CAST: variants seen among roughly 807,000 people sequenced by gnomAD.
CAST encodes the protein calpastatin.
In CAST, 76 loss-of-function variants were observed where a neutral mutation model predicts 119.6. The ratio of observed to expected loss-of-function variants is 0.64; its 90% CI spans 0.53 to 0.77. The LOEUF (loss-of-function observed/expected upper bound fraction) is 0.77. Ranked by LOEUF, CAST falls within the 30% of genes least tolerant of loss-of-function variation. The pLI is 0.00. For missense variants in CAST, 953 were observed against 946.5 expected (o/e 1.01, Z -0.09); for synonymous variants, 319 against 331.6 (o/e 0.96, Z 0.41).
At chr5:96,197,758 T>G in the CAST span, among the ~76,000 whole-genome samples, 6 of 152,058 alleles carry the variant, frequency 3.9e-5, no homozygotes, top group Non-Finnish European at 8.8e-5. Context: ...GGGGCCAACC[T>G]AGACATTTTT....
chr5:96,007,433 T>C, the CAST span, among the ~76,000 whole-genome samples: 1 of 152,240 alleles, frequency 6.6e-6, no homozygotes, highest in Non-Finnish European at 1.5e-5. Context: ...AATTTAGTTA[T>C]AACTCTTTTG....
the CAST span, chr5:96,079,134 T>C: frequency 4.2e-6 from 2 of 475,802 alleles, no homozygotes; most frequent in Non-Finnish European, 4.4e-6. Flanking sequence ...TCTTTACATC[T>C]TACAACTCAC....
chr5:96,205,292 C>T, the CAST span, among the ~76,000 whole-genome samples: 22 of 151,974 alleles, frequency 1.4e-4, no homozygotes, highest in Admixed American at 1.3e-4. Context: ...TGAATTGTGC[C>T]TCTGGTGTCA....
chr5:96,030,544 A>G, the CAST span, among the ~76,000 whole-genome samples: 393 of 152,266 alleles, frequency 2.6e-3, 1 homozygote, highest in Non-Finnish European at 4.0e-3. Context: ...GTTAGGCTGT[A>G]AGTATGGACA....
At chr5:96,384,820 A>G in the CAST span, among the ~76,000 whole-genome samples, 2 of 152,270 alleles carry the variant, frequency 1.3e-5, no homozygotes, top group South Asian at 4.2e-4. Flanking sequence ...ATGCTGAAAA[A>G]TGCACCCCTA....
At chr5:96,612,493 G>A (rs1747382496) in intron 1 of CAST, among the ~76,000 whole-genome samples, 1 of 152,038 alleles carries the variant, frequency 6.6e-6, no homozygotes, top group South Asian at 2.1e-4. Context: ...TCACTCTCTG[G>A]GTGTTGGGTT....
At chr5:96,417,479 G>A in the CAST span, among the ~76,000 whole-genome samples, 1 of 151,938 alleles carries the variant, frequency 6.6e-6, no homozygotes, top group Non-Finnish European at 1.5e-5. Flanking sequence ...AAGGACTGAT[G>A]TAGATTATAG....
chr5:96,091,158 T>G, the CAST span, among the ~76,000 whole-genome samples: 1 of 152,000 alleles, frequency 6.6e-6, no homozygotes, highest in Non-Finnish European at 1.5e-5. Flanking sequence ...AAAGCCAGCC[T>G]TGCTCATTTT....
the CAST span, among the ~76,000 whole-genome samples, chr5:96,501,041 C>A: frequency 1.3e-5 from 2 of 152,002 alleles, no homozygotes; most frequent in African/African-American, 4.8e-5. Context: ...GCACCAAGTG[C>A]AAATAAAAAT....
chr5:96,473,447 G>A, the CAST span, among the ~76,000 whole-genome samples: 1 of 152,250 alleles, frequency 6.6e-6, no homozygotes, highest in Non-Finnish European at 1.5e-5. Context: ...GAAGCAGGCA[G>A]TTTATGTCTG....
chr5:96,099,257 T>C, the CAST span, among the ~76,000 whole-genome samples: 5 of 152,210 alleles, frequency 3.3e-5, no homozygotes, highest in Non-Finnish European at 5.9e-5. Flanking sequence ...TACAGGATTA[T>C]GTTGTCTGCA....
At chr5:96,165,876 G>C in the CAST span, among the ~76,000 whole-genome samples, 1 of 152,286 alleles carries the variant, frequency 6.6e-6, no homozygotes, top group African/African-American at 2.4e-5. Flanking sequence ...TATTTACTAA[G>C]GTTTCTTCTT....
the CAST span, among the ~76,000 whole-genome samples, chr5:96,124,587 T>G: frequency 6.6e-6 from 1 of 152,190 alleles, no homozygotes; most frequent in African/African-American, 2.4e-5. Flanking sequence ...ATCAACCCTT[T>G]ATGGACAGGG....
chr5:96,231,687 A>G, the CAST span, among the ~76,000 whole-genome samples: 4 of 151,816 alleles, frequency 2.6e-5, no homozygotes, highest in Non-Finnish European at 5.9e-5. Flanking sequence ...TAATTATGAT[A>G]TAATATAAAA....
At chr5:96,537,118 T>C (rs997421757) in intron 1 of CAST, among the ~76,000 whole-genome samples, 1 of 152,246 alleles carries the variant, frequency 6.6e-6, no homozygotes, top group African/African-American at 2.4e-5. Flanking sequence ...GGCTGGAATA[T>C]TTGAACTTCC....
At position 96,757,514 on chromosome 5, in the gene CAST, C is replaced by G; in HGVS notation, c.1761+20C>G. Reference sequence around the variant, plus strand: ...CTTCCAGTAAGCAAACCAGTTTTCTCTGAGGATATCTTTTCCTTTTGGCCC... The same window carrying G: ...CTTCCAGTAAGCAAACCAGTTTTCTGTGAGGATATCTTTTCCTTTTGGCCC... On this transcript the variant is annotated intron_variant, in intron 23 of 31. Transcript: ENST00000675179. 1 of 1,613,524 alleles carries G rather than the reference C, an allele frequency of 6.2e-7. No individual in the cohort carries two copies. Among genetic ancestry groups the G allele is most frequent in the Non-Finnish European group, 8.5e-7 (1 of 1,179,458 alleles).
chr5:96,400,234 C>T, the CAST span: 2 of 1,375,974 alleles, frequency 1.5e-6, no homozygotes, highest in Admixed American at 1.7e-5. Flanking sequence ...AATGAAGTTT[C>T]CTTGCAAAAG....
At chr5:96,075,413 C>A in the CAST span, among the ~76,000 whole-genome samples, 2 of 152,156 alleles carry the variant, frequency 1.3e-5, no homozygotes, top group Non-Finnish European at 2.9e-5. Flanking sequence ...CTAGTTATCA[C>A]CCCTCTTGTC....
chr5:96,597,501 T>C (rs890915153), intron 1 of CAST, among the ~76,000 whole-genome samples: 1 of 152,176 alleles, frequency 6.6e-6, no homozygotes. Flanking sequence ...AGGGAGCTCC[T>C]CTAATTACCA....
Sources: gnomAD v4.1 joint callset for allele counts (sites outside exome capture counted in the v4.1 genomes callset) on GRCh38, gnomAD v4.1.1 for gene constraint, MANE v1.5 for transcripts, NCBI Gene and HGNC (gene_info 2026-07-23, HGNC 2026-07-21) for gene names.